DCT: variants seen among roughly 807,000 people sequenced by gnomAD.
DCT encodes the protein L-dopachrome tautomerase.
Under a neutral mutation model 53.0 loss-of-function variants are expected in DCT, and 47 were observed. The observed-to-expected ratio is 0.89, with a 90% confidence interval of 0.70 to 1.13. The LOEUF (loss-of-function observed/expected upper bound fraction) is 1.13, where lower values mean the gene tolerates loss of function less well. DCT is among the 50% of genes most tolerant of loss of function. The pLI, the probability that DCT is intolerant of heterozygous loss-of-function variation, is 0.00. For synonymous variants in DCT, 244 were observed against 237.0 expected, an observed-to-expected ratio of 1.03 and a Z score of -0.27; for missense variants, 669 against 637.4, an observed-to-expected ratio of 1.05 and a Z score of -0.53.
At chr13:94,523,790 T>C in the DCT span, among the ~76,000 whole-genome samples, 168 of 152,112 alleles carry the variant, frequency 1.1e-3, 1 homozygote, top group African/African-American at 3.7e-3. Flanking sequence ...CCCAACACCT[T>C]TCTGAAAATG....
chr13:94,533,612 C>T, the DCT span, among the ~76,000 whole-genome samples: 8 of 152,118 alleles, frequency 5.3e-5, no homozygotes, highest in African/African-American at 1.9e-4. Flanking sequence ...TAGTGAAACC[C>T]TGTCTCTACT....
chr13:94,461,011 G>A (rs1284221419), intron 5 of DCT, among the ~76,000 whole-genome samples: 3 of 152,186 alleles, frequency 2.0e-5, no homozygotes, highest in Non-Finnish European at 2.9e-5. Context: ...GCATGGCTCA[G>A]TCTGCTGAGG....
chr13:94,442,721 A>C (rs1474700289), intron 7 of DCT, among the ~76,000 whole-genome samples: 1 of 152,222 alleles, frequency 6.6e-6, no homozygotes, highest in Non-Finnish European at 1.5e-5. Context: ...ACGTAGCCCA[A>C]TCTGTTGGTA....
At chr13:94,506,752 A>T in the DCT span, among the ~76,000 whole-genome samples, 1 of 152,196 alleles carries the variant, frequency 6.6e-6, no homozygotes, top group Non-Finnish European at 1.5e-5. Flanking sequence ...ATTTTTAAAA[A>T]GTGGGGAAAT....
the DCT span, among the ~76,000 whole-genome samples, chr13:94,490,820 A>G: frequency 6.6e-6 from 1 of 152,246 alleles, no homozygotes; most frequent in African/African-American, 2.4e-5. Context: ...GTAGTAGAAA[A>G]CAAGATAATT....
the DCT span, among the ~76,000 whole-genome samples, chr13:94,548,290 G>A: frequency 1.3e-5 from 2 of 151,954 alleles, no homozygotes; most frequent in African/African-American, 2.4e-5. Context: ...ATGCTGGCTC[G>A]TAGTGGGAGG....
At chr13:94,510,262 A>G in the DCT span, among the ~76,000 whole-genome samples, 1 of 152,140 alleles carries the variant, frequency 6.6e-6, no homozygotes, top group South Asian at 2.1e-4. Flanking sequence ...TTCCTGATAT[A>G]ATTGGACTAG....
At chr13:94,508,853 G>T in the DCT span, among the ~76,000 whole-genome samples, 1 of 152,200 alleles carries the variant, frequency 6.6e-6, no homozygotes, top group Non-Finnish European at 1.5e-5. Flanking sequence ...CTACAGAGGA[G>T]GGTGGATGAC....
the DCT span, among the ~76,000 whole-genome samples, chr13:94,498,585 T>C: frequency 6.6e-6 from 1 of 152,220 alleles, no homozygotes; most frequent in Non-Finnish European, 1.5e-5. Flanking sequence ...ACTTCCAGCT[T>C]CCAGACAGAA....
At chr13:94,476,357 T>C (rs1343751475) in intron 1 of DCT, among the ~76,000 whole-genome samples, 3 of 151,786 alleles carry the variant, frequency 2.0e-5, no homozygotes, top group Non-Finnish European at 4.4e-5. Flanking sequence ...GGCAAAAATA[T>C]GAAGAAGCTG....
chr13:94,490,025 G>A, the DCT span, among the ~76,000 whole-genome samples: 4 of 152,126 alleles, frequency 2.6e-5, no homozygotes, highest in East Asian at 7.7e-4. Context: ...ACAAATATAG[G>A]TGGAGGCAAG....
the DCT span, among the ~76,000 whole-genome samples, chr13:94,508,531 T>TG: frequency 6.6e-6 from 1 of 152,050 alleles, no homozygotes; most frequent in South Asian, 2.1e-4. Context: ...AATCTCAAAT[T>TG]GTCTGAAGAG....
Position 94,442,703 on chromosome 13 carries a change from A to G in DCT, c.1381+733T>C, listed in dbSNP as rs572716900. Among the ~76,000 whole-genome samples the G allele has an allele frequency of 9.2e-5, 14 of 152,348 alleles. No individual in the cohort carries two copies. In the East Asian group the frequency reaches 1.3e-3, roughly 15 times the overall value. On this transcript the variant is annotated intron_variant, in intron 7 of 7. Transcript: ENST00000377028. ...ACAGTAACTAATGCAACATACACAT[A>G]GAGTCCCACGTAGCCCAATCTGTTG... is the stretch of plus-strand genomic sequence containing the variant.
the DCT span, among the ~76,000 whole-genome samples, chr13:94,516,607 T>C: frequency 5.3e-5 from 8 of 152,312 alleles, no homozygotes; most frequent in East Asian, 1.4e-3. Flanking sequence ...TGTCAGGTCA[T>C]AAGAGCTCTG....
At chr13:94,485,931 G>A in the DCT span, among the ~76,000 whole-genome samples, 6 of 152,130 alleles carry the variant, frequency 3.9e-5, no homozygotes, top group African/African-American at 1.4e-4. Context: ...CGCGTTGCTC[G>A]ATTGCATGAT....
the DCT span, among the ~76,000 whole-genome samples, chr13:94,523,005 C>A: frequency 1.3e-5 from 2 of 152,166 alleles, no homozygotes; most frequent in Non-Finnish European, 2.9e-5. Flanking sequence ...AGCCATTTAC[C>A]ATTACCTTCA....
At chr13:94,538,755 G>A in the DCT span, among the ~76,000 whole-genome samples, 2 of 152,144 alleles carry the variant, frequency 1.3e-5, no homozygotes, top group African/African-American at 2.4e-5. Flanking sequence ...TCTTGTTGCA[G>A]TTTCTCTCTT....
chr13:94,465,968 T>TTTTA (rs1486447194), intron 3 of DCT, among the ~76,000 whole-genome samples, 169 bp from the exon 4 acceptor site: 3 of 77,828 alleles, frequency 3.9e-5, no homozygotes, highest in African/African-American at 5.7e-5. Flanking sequence ...TGTGTATATT[T>TTTTA]TATATATATA....
the DCT span, among the ~76,000 whole-genome samples, chr13:94,537,373 A>T: frequency 6.6e-6 from 1 of 152,370 alleles, no homozygotes; most frequent in South Asian, 2.1e-4. Flanking sequence ...TGTTGCTAAG[A>T]CATTTTTTGA....
Sources: allele counts gnomAD v4.1 joint callset (sites outside exome capture counted in the v4.1 genomes callset), GRCh38; gene constraint gnomAD v4.1.1; transcripts MANE v1.5; gene names NCBI Gene and HGNC (gene_info 2026-07-23, HGNC 2026-07-21).